The following WWOX variants were observed in gnomAD, a reference collection of about 807,000 sequenced individuals.
WWOX encodes the protein WW domain containing oxidoreductase.
In WWOX, 69 loss-of-function variants were observed where a neutral mutation model predicts 46.2. That is an observed-to-expected ratio of 1.49 (90% CI 1.23 to 1.82). WWOX has a LOEUF of 1.82. WWOX is among the 40% of genes most tolerant of loss of function. The pLI, the probability that WWOX is intolerant of heterozygous loss-of-function variation, is 0.00. For missense variants in WWOX, 919 were observed against 542.6 expected, an observed-to-expected ratio of 1.69 and a Z score of -6.89; for synonymous variants, 359 against 202.6, an observed-to-expected ratio of 1.77 and a Z score of -6.56.
intron 8 of WWOX, among the ~76,000 whole-genome samples, chr16:78,916,265 TC>T (rs748251938): frequency 1.1e-3 from 170 of 152,286 alleles, no homozygotes; most frequent in Non-Finnish European, 1.8e-3. Flanking sequence ...ATCAGCGCTT[TC>T]TACTGCAGGG....
intron 8 of WWOX, among the ~76,000 whole-genome samples, chr16:78,663,233 A>G (rs1221784823): frequency 6.6e-6 from 1 of 152,200 alleles, no homozygotes; most frequent in Admixed American, 6.5e-5. Flanking sequence ...GGTAATTGAT[A>G]TAAATGGAAT....
In WWOX at chr16:78,153,121, C is replaced by T. The variant is rs1597276390; in HGVS notation, c.410-11062C>T. ...AAGCACGATCTCTAACTCTTTGGAA[C>T]TCAGAACTATGTAATTGAAATGGCC... On this transcript the variant is annotated intron_variant, in intron 4 of 8. Transcript: ENST00000566780. Among the ~76,000 whole-genome samples, 3 of 152,232 alleles carry T rather than the reference C, an allele frequency of 2.0e-5. 1 individual carries two copies. Among genetic ancestry groups the T allele is most frequent in the Non-Finnish European group, 1.5e-5 (1 of 68,020 alleles).
intron 8 of WWOX, among the ~76,000 whole-genome samples, chr16:78,919,990 A>T (rs2045341424): frequency 6.6e-6 from 1 of 152,132 alleles, no homozygotes; most frequent in South Asian, 2.1e-4. Flanking sequence ...CCTCCTTCTC[A>T]TGCTTTTGGA....
intron 8 of WWOX, among the ~76,000 whole-genome samples, chr16:79,162,101 C>G (rs1485562592): frequency 6.6e-6 from 1 of 152,166 alleles, no homozygotes; most frequent in African/African-American, 2.4e-5. Context: ...TGAATCATTA[C>G]CTGATTTTTT....
intron 8 of WWOX, chr16:78,899,676 A>G (rs1385977126): frequency 1.3e-5 from 2 of 152,256 alleles, no homozygotes; most frequent in African/African-American, 4.8e-5. Context: ...AGACTTTTAC[A>G]GATACCCAGA....
At chr16:78,177,136 T>C (rs1303816827) in intron 5 of WWOX, among the ~76,000 whole-genome samples, 1 of 152,248 alleles carries the variant, frequency 6.6e-6, no homozygotes, top group African/African-American at 2.4e-5. Flanking sequence ...ACAGTTCTCA[T>C]GCAGCTTGCT....
At chr16:78,764,232 G>T (rs1322352932) in intron 8 of WWOX, among the ~76,000 whole-genome samples, 2 of 152,060 alleles carry the variant, frequency 1.3e-5, no homozygotes, top group African/African-American at 4.8e-5. Context: ...GCGGCCGGGT[G>T]TTGTTAAACG....
intron 8 of WWOX, among the ~76,000 whole-genome samples, chr16:79,068,091 G>C (rs1320096145): frequency 6.6e-6 from 1 of 152,200 alleles, no homozygotes; most frequent in Non-Finnish European, 1.5e-5. Flanking sequence ...GGGGATGGGA[G>C]GGGGGCTCCG....
At chr16:78,141,437 T>A (rs1276967334) in intron 4 of WWOX, among the ~76,000 whole-genome samples, 1 of 150,676 alleles carries the variant, frequency 6.6e-6, no homozygotes, top group Admixed American at 6.6e-5. Context: ...CTTCTTTTTT[T>A]TTTTTTTTTT....
intron 8 of WWOX, among the ~76,000 whole-genome samples, chr16:78,532,966 G>C (rs2043658887): frequency 6.6e-6 from 1 of 152,216 alleles, no homozygotes; most frequent in African/African-American, 2.4e-5. Context: ...AGCAAGAGTA[G>C]GAGGGAACAG....
intron 8 of WWOX, among the ~76,000 whole-genome samples, chr16:78,561,778 A>G (rs934518946): frequency 3.9e-5 from 6 of 152,172 alleles, no homozygotes; most frequent in African/African-American, 1.2e-4. Context: ...TGAGCCGAGC[A>G]AGTGATTTTG....
chr16:79,021,935 C>T (rs2047541962), intron 8 of WWOX, among the ~76,000 whole-genome samples: 1 of 152,216 alleles, frequency 6.6e-6, no homozygotes, highest in Admixed American at 6.5e-5. Context: ...TCACCCAGTT[C>T]ACTGAGAGTT....
At chr16:78,577,837 C>T (rs2044928106) in intron 8 of WWOX, among the ~76,000 whole-genome samples, 1 of 152,014 alleles carries the variant, frequency 6.6e-6, no homozygotes, top group African/African-American at 2.4e-5. Flanking sequence ...TACAGATGAC[C>T]TTGTTTGGGC....
chr16:79,007,516 A>T (rs942861155), intron 8 of WWOX, among the ~76,000 whole-genome samples: 1 of 152,252 alleles, frequency 6.6e-6, no homozygotes, highest in Admixed American at 6.5e-5. Context: ...AAGGCCTTGT[A>T]GGGCAAGCTG....
At chr16:78,326,325 A>G (rs1012964646) in intron 5 of WWOX, among the ~76,000 whole-genome samples, 1 of 152,188 alleles carries the variant, frequency 6.6e-6, no homozygotes, top group Non-Finnish European at 1.5e-5. Context: ...CTAAATTGCA[A>G]GGCTGTATAT....
chr16:78,960,292 C>A (rs886853048), intron 8 of WWOX, among the ~76,000 whole-genome samples: 1 of 152,158 alleles, frequency 6.6e-6, no homozygotes, highest in Non-Finnish European at 1.5e-5. Context: ...AATGATAGGA[C>A]TAGGCTTCAT....
At chr16:78,164,143 A>T (rs1027293614) in intron 4 of WWOX, 40 bp from the exon 5 acceptor site, 7 of 1,562,866 alleles carry the variant, frequency 4.5e-6, no homozygotes, top group South Asian at 2.3e-5. Context: ...CACTGTGTTG[A>T]TGTTATGTTT....
intron 8 of WWOX, among the ~76,000 whole-genome samples, chr16:78,456,131 C>T (rs963881374): frequency 6.6e-6 from 1 of 152,202 alleles, no homozygotes; most frequent in African/African-American, 2.4e-5. Context: ...CTGAAGTGCC[C>T]AAGCTCTAAA....
intron 5 of WWOX, among the ~76,000 whole-genome samples, chr16:78,300,542 G>A (rs956626877): frequency 1.4e-5 from 2 of 144,560 alleles, no homozygotes; most frequent in East Asian, 2.0e-4. Context: ...TCTTTCCCCT[G>A]TCTCCTTCTC....
Sources: allele counts gnomAD v4.1 joint callset (sites outside exome capture counted in the v4.1 genomes callset), GRCh38; gene constraint gnomAD v4.1.1; transcripts MANE v1.5; gene names NCBI Gene and HGNC (gene_info 2026-07-23, HGNC 2026-07-21).